The following KCNT1 variants were observed in gnomAD, a reference collection of about 807,000 sequenced individuals.
KCNT1 encodes potassium channel subfamily T member 1.
KCNT1 carries 78 observed loss-of-function variants against 147.8 expected under a neutral mutation model. The observed-to-expected ratio is 0.53, with a 90% CI of 0.44 to 0.64. The LOEUF (loss-of-function observed/expected upper bound fraction) is 0.64, where lower values mean the gene tolerates loss of function less well. Among genes scored for constraint, KCNT1 ranks in the 30% least tolerant of loss-of-function variants. KCNT1 has a pLI of 0.00. For synonymous variants in KCNT1, 867 were observed against 748.8 expected (o/e 1.16, Z -2.58); for missense variants, 1,419 against 1,750.3 (o/e 0.81, Z 3.38).
intron 1 of KCNT1, among the ~76,000 whole-genome samples, chr9:135,708,629 C>T (rs550055871): frequency 6.6e-6 from 1 of 152,356 alleles, no homozygotes; most frequent in East Asian, 1.9e-4. Context: ...TGGCTCACCG[C>T]AGCCTCAACC....
At chr9:135,767,663 G>A (rs192419243) in intron 13 of KCNT1, among the ~76,000 whole-genome samples, 1 of 152,176 alleles carries the variant, frequency 6.6e-6, no homozygotes, top group Non-Finnish European at 1.5e-5. Context: ...CACACACCTA[G>A]GTGGGGTCTC....
At chr9:135,769,407 C>T (rs968618773) in intron 15 of KCNT1, among the ~76,000 whole-genome samples, 3 of 152,140 alleles carry the variant, frequency 2.0e-5, no homozygotes, top group South Asian at 2.1e-4. Context: ...GCTCCTCACA[C>T]AAGCACACCA....
At position 135,770,784 on chromosome 9, in the gene KCNT1, C is replaced by T. The variant is rs1035381341; in HGVS notation, c.1770-73C>T. 9.5e-6 allele frequency: 13 copies of T among 1,365,872 alleles called. No homozygotes were observed. In the Admixed American group the frequency reaches 2.3e-4, roughly 24 times the overall value. The allele number at this position is 1,365,872 out of a possible 1,614,324, so 84.6% of individuals were successfully genotyped here. A position where few individuals can be genotyped will look rare whatever the true frequency, so the allele number is the denominator to read the frequency against. ...CTCCGGTGGGGACTCTGGTGATTTG[C>T]AGGAAGGGCAGGCAGGGAGCGGGAC... On this transcript the variant is annotated intron_variant, in intron 17 of 30. Transcript: ENST00000371757.
At chr9:135,715,461 C>G (rs1053128148) in intron 2 of KCNT1, among the ~76,000 whole-genome samples, 6 of 150,804 alleles carry the variant, frequency 4.0e-5, no homozygotes, top group African/African-American at 7.3e-5. Flanking sequence ...AGGACTCACG[C>G]GGAGCTGGAG....
intron 2 of KCNT1, among the ~76,000 whole-genome samples, chr9:135,729,906 G>T (rs1170627234): frequency 6.6e-6 from 1 of 152,174 alleles, no homozygotes; most frequent in East Asian, 1.9e-4. Flanking sequence ...CTTCCCCCTG[G>T]TCACCTCAAG....
intron 2 of KCNT1, among the ~76,000 whole-genome samples, chr9:135,722,132 C>T (rs1248420706): frequency 6.6e-6 from 1 of 152,106 alleles, no homozygotes; most frequent in Non-Finnish European, 1.5e-5. Context: ...GAGGAGGGTC[C>T]GTGATACCCC....
intron 24 of KCNT1, among the ~76,000 whole-genome samples, chr9:135,782,829 G>A (rs1321458045): frequency 2.0e-5 from 3 of 152,334 alleles, no homozygotes; most frequent in Admixed American, 1.3e-4. Flanking sequence ...AAACTCACAC[G>A]CCCATCGCAG....
chr9:135,738,985 GC>G (rs1830452250), intron 2 of KCNT1, among the ~76,000 whole-genome samples: 1 of 152,204 alleles, frequency 6.6e-6, no homozygotes, highest in Admixed American at 6.5e-5. Flanking sequence ...GCATCAGGAG[GC>G]CCTGAGCCCC....
Position 135,768,955 on chromosome 9 carries a change from G to T in KCNT1, c.1510+18G>T. ...GTTTGCTGGTGCGTCTGGGGCACACGTGGGTGATGGTGTATCTGGGGCAGG... is the reference window on the plus strand; with the variant it reads ...GTTTGCTGGTGCGTCTGGGGCACACTTGGGTGATGGTGTATCTGGGGCAGG... On this transcript the variant is annotated intron_variant, in intron 15 of 30. Coordinates refer to ENST00000371757, the MANE Select transcript of KCNT1 (RefSeq NM_020822.3). The T allele has an allele frequency of 6.3e-7, 1 of 1,578,324 alleles. No individual in the cohort carries two copies. The highest frequency in any genetic ancestry group is 1.1e-5 in the South Asian group (1 of 88,700).
Position 135,702,280 on chromosome 9 carries a change from C to G in KCNT1, c.22C>G (p.Arg8Gly), listed in dbSNP as rs747457929. ...CCGCATGCCACTCCCTGACGGGGCG[C>G]GGACCCCGGGGGGCGTCTGCCGGGA... MPLPDGA[R>G]TPGGVCREAR... The change falls in exon 1 of 31, where the codon CGG (arginine) becomes GGG (glycine). Residue 8 changes from arginine (R) to glycine (G), a missense_variant. Coordinates refer to ENST00000371757, the MANE Select transcript of KCNT1 (RefSeq NM_020822.3). 2 of 1,608,624 alleles carry G rather than the reference C, an allele frequency of 1.2e-6. No individual in the cohort carries two copies. The highest frequency in any genetic ancestry group is 1.7e-5 in the Admixed American group (1 of 59,796).
chr9:135,741,927 C>T (rs1052605158), intron 2 of KCNT1, among the ~76,000 whole-genome samples: 12 of 152,148 alleles, frequency 7.9e-5, no homozygotes, highest in Non-Finnish European at 1.6e-4. Flanking sequence ...CACTCCCACC[C>T]TGCCCAGCCC....
intron 29 of KCNT1, chr9:135,791,405 G>C: frequency 4.1e-5 from 9 of 221,074 alleles, no homozygotes; most frequent in South Asian, 1.5e-4. Flanking sequence ...AGGTGTAGAT[G>C]AAGGCATGCA....
chr9:135,707,723 G>A (rs931019695), intron 1 of KCNT1, among the ~76,000 whole-genome samples: 9 of 152,192 alleles, frequency 5.9e-5, no homozygotes, highest in Admixed American at 2.0e-4. Context: ...CCTTGGGCAC[G>A]GGTCCAGGGG....
At chr9:135,784,233 G>A in intron 25 of KCNT1, 108 bp downstream of exon 25, 2 of 894,342 alleles carry the variant, frequency 2.2e-6, no homozygotes, top group South Asian at 2.8e-5. Flanking sequence ...CCCTCTGAAT[G>A]ACCTTCCCTG....
Position 135,777,662 on chromosome 9 carries a change from G to A in KCNT1, c.2522+152G>A, listed in dbSNP as rs565923121. 9 of 739,138 alleles carry A rather than the reference G, an allele frequency of 1.2e-5. No homozygotes were observed. The Admixed American group carries it at 2.2e-4, about 18-fold the overall frequency. 45.8% of individuals were successfully genotyped at this position (739,138 alleles called of 1,614,324 possible). A position where few individuals can be genotyped will look rare whatever the true frequency, so the allele number is the denominator to read the frequency against. ...TCCTCTCAGCTTTCCTAAAAAGGGG[G>A]ACTCTCCTTCCTGCTCCCAACTCCT... On this transcript the variant is annotated intron_variant, in intron 21 of 30. Transcript: ENST00000371757.
chr9:135,772,869 C>T lies in KCNT1; in HGVS notation c.2163C>T (p.Ala721=). 1 of 1,555,128 alleles carries T rather than the reference C, an allele frequency of 6.4e-7. No individual in the cohort carries two copies. Among genetic ancestry groups the T allele is most frequent in the Non-Finnish European group, 8.7e-7 (1 of 1,150,560 alleles). Residue 721 remains alanine, a synonymous_variant, in exon 19 of 31, where the codon GCC becomes GCT. Coordinates refer to ENST00000371757, the MANE Select transcript of KCNT1 (RefSeq NM_020822.3). The part of the protein sequence containing the change: ...APVLELADSS[A]LLPCDLLSDQ... ...TCCTGGAACTGGCCGACAGCTCAGC[C>T]CTGCTGCCCTGCGACCTGCTGAGCG...
At chr9:135,788,085 C>T in intron 29 of KCNT1, 1 of 1,589,354 alleles carries the variant, frequency 6.3e-7, no homozygotes, top group Non-Finnish European at 8.6e-7. Context: ...GTGCCTCTTT[C>T]TGTGTGTTCT....
chr9:135,747,888 C>T (rs762030512), intron 2 of KCNT1, among the ~76,000 whole-genome samples: 3 of 152,210 alleles, frequency 2.0e-5, no homozygotes, highest in Non-Finnish European at 4.4e-5. Flanking sequence ...GGCAAGGGCA[C>T]CCAGAGCCAC....
In KCNT1 at chr9:135,742,806, C is replaced by T. The variant is rs990661055; in HGVS notation, c.255-7292C>T. On this transcript the variant is annotated intron_variant, in intron 2 of 30. Transcript: ENST00000371757. Reference sequence around the variant, plus strand: ...AGAAGATTTCAGCCTGGACTCCTCCCTGTCTCAGTAAGTGCTTTGCAAGGG... The same window carrying T: ...AGAAGATTTCAGCCTGGACTCCTCCTTGTCTCAGTAAGTGCTTTGCAAGGG... 5.6e-6 allele frequency: 4 copies of T among 717,164 alleles called. No individual in the cohort carries two copies. The Admixed American group carries it at 8.0e-5, about 14-fold the overall frequency. The allele number at this position is 717,164 out of a possible 1,614,324, so 44.4% of individuals were successfully genotyped here.
Sources: gnomAD v4.1 joint callset for allele counts (sites outside exome capture counted in the v4.1 genomes callset) on GRCh38, gnomAD v4.1.1 for gene constraint, MANE v1.5 for transcripts, NCBI Gene and HGNC (gene_info 2026-07-23, HGNC 2026-07-21) for gene names.